MAF: variants seen among roughly 807,000 people sequenced by gnomAD.
The protein encoded by MAF is MAF bZIP transcription factor.
In MAF, 10 loss-of-function variants were observed where a neutral mutation model predicts 22.0. The observed-to-expected ratio is 0.45, with a 90% confidence interval of 0.28 to 0.77. The LOEUF (loss-of-function observed/expected upper bound fraction) is 0.77. MAF is among the 30% of genes least tolerant of loss of function. The pLI is 0.12. For synonymous variants in MAF, 337 were observed against 255.8 expected (o/e 1.32, Z -3.03); for missense variants, 544 against 548.4 (o/e 0.99, Z 0.08).
chr16:79,501,306 C>G, the MAF span, among the ~76,000 whole-genome samples: 1 of 152,130 alleles, frequency 6.6e-6, no homozygotes, highest in Non-Finnish European at 1.5e-5. Flanking sequence ...TATAAGGGCA[C>G]CAGTCATTGG....
the MAF span, among the ~76,000 whole-genome samples, chr16:79,352,551 C>T: frequency 6.6e-6 from 1 of 152,332 alleles, no homozygotes; most frequent in Non-Finnish European, 1.5e-5. Flanking sequence ...AATTGGGCTA[C>T]ATATCACCCC....
the MAF span, among the ~76,000 whole-genome samples, chr16:79,460,135 T>A: frequency 6.6e-6 from 1 of 151,916 alleles, no homozygotes; most frequent in East Asian, 1.9e-4. Context: ...TTCGAAAGTG[T>A]TGCAAATATT....
At chr16:79,324,166 C>T in the MAF span, among the ~76,000 whole-genome samples, 4 of 152,212 alleles carry the variant, frequency 2.6e-5, no homozygotes, top group African/African-American at 9.7e-5. Flanking sequence ...ATGTTCCCAT[C>T]TGTAAAATGT....
At chr16:79,588,465 T>G (rs1293833780) in intron 1 of MAF, among the ~76,000 whole-genome samples, 1 of 152,126 alleles carries the variant, frequency 6.6e-6, no homozygotes, top group African/African-American at 2.4e-5. Context: ...GATACAGTCT[T>G]GCTGTTTTGC....
the MAF span, among the ~76,000 whole-genome samples, chr16:79,277,035 A>G: frequency 6.6e-6 from 1 of 151,500 alleles, no homozygotes; most frequent in Admixed American, 6.6e-5. Context: ...CTCTTTTTTA[A>G]TTTTGATTTT....
At chr16:79,365,501 A>C in the MAF span, among the ~76,000 whole-genome samples, 5 of 152,136 alleles carry the variant, frequency 3.3e-5, no homozygotes, top group Admixed American at 3.3e-4. Context: ...TGATTGGTGG[A>C]TGATCTCTTC....
chr16:79,383,178 C>T, the MAF span, among the ~76,000 whole-genome samples: 2 of 151,982 alleles, frequency 1.3e-5, no homozygotes, highest in African/African-American at 2.4e-5. Context: ...AAGAAATGCT[C>T]AGACTGGAAG....
At chr16:79,422,093 T>C in the MAF span, among the ~76,000 whole-genome samples, 1 of 152,210 alleles carries the variant, frequency 6.6e-6, no homozygotes, top group Admixed American at 6.5e-5. Context: ...TAGTGAATTC[T>C]TAATGAGAGC....
the MAF span, among the ~76,000 whole-genome samples, chr16:79,538,254 C>T: frequency 2.0e-5 from 3 of 152,060 alleles, no homozygotes; most frequent in Non-Finnish European, 4.4e-5. Flanking sequence ...AGCCCTGAAA[C>T]GTTTCTGTGT....
the MAF span, among the ~76,000 whole-genome samples, chr16:79,519,837 GA>G: frequency 1.3e-5 from 2 of 152,204 alleles, no homozygotes; most frequent in Non-Finnish European, 2.9e-5. Context: ...ACCATGTGGG[GA>G]AAAAAGGTAG....
At chr16:79,332,591 G>A in the MAF span, among the ~76,000 whole-genome samples, 5 of 152,146 alleles carry the variant, frequency 3.3e-5, no homozygotes, top group South Asian at 2.1e-4. Flanking sequence ...GAGCCACCAC[G>A]CCTGACTCAC....
the MAF span, among the ~76,000 whole-genome samples, chr16:79,390,619 C>A: frequency 1.3e-5 from 2 of 152,098 alleles, no homozygotes; most frequent in African/African-American, 4.8e-5. Flanking sequence ...TGCATTCAGC[C>A]CCAGAGTGTG....
At chr16:79,400,155 G>A in the MAF span, among the ~76,000 whole-genome samples, 20 of 152,284 alleles carry the variant, frequency 1.3e-4, 1 homozygote, top group Middle Eastern at 3.4e-3. Context: ...CAGCAATGTG[G>A]TTAAACATCC....
At chr16:79,273,202 C>A in the MAF span, among the ~76,000 whole-genome samples, 1 of 152,126 alleles carries the variant, frequency 6.6e-6, no homozygotes, top group Non-Finnish European at 1.5e-5. Context: ...CCCTAGGGAA[C>A]CTCCTCTGGC....
chr16:79,581,448 C>A (rs1026185135), downstream of MAF, among the ~76,000 whole-genome samples: 2 of 152,148 alleles, frequency 1.3e-5, no homozygotes, highest in African/African-American at 4.8e-5. Context: ...TAATTACAAA[C>A]CCCAACTCAA....
At chr16:79,364,574 G>A in the MAF span, among the ~76,000 whole-genome samples, 3 of 152,216 alleles carry the variant, frequency 2.0e-5, no homozygotes, top group African/African-American at 7.2e-5. Flanking sequence ...CATGGTCCCT[G>A]ACAGAGCACA....
chr16:79,581,072 C>G (rs73587050), downstream of MAF, among the ~76,000 whole-genome samples: 1,236 of 152,240 alleles, frequency 8.1e-3, 16 homozygotes, highest in African/African-American at 0.028. Context: ...CACACGCCTT[C>G]TAAAATGCAG....
At chr16:79,385,467 A>G in the MAF span, among the ~76,000 whole-genome samples, 1 of 152,346 alleles carries the variant, frequency 6.6e-6, no homozygotes, top group African/African-American at 2.4e-5. Flanking sequence ...AAAAATGAGG[A>G]AAGGGTTGAA....
the MAF span, among the ~76,000 whole-genome samples, chr16:79,240,487 G>GAAAAAAA: frequency 1.6e-3 from 95 of 60,694 alleles, 4 homozygotes; most frequent in African/African-American, 2.9e-3. Flanking sequence ...AGCATCTCTG[G>GAAAAAAA]AAAAAAAAAA....
Sources: allele counts gnomAD v4.1 joint callset (sites outside exome capture counted in the v4.1 genomes callset), GRCh38; gene constraint gnomAD v4.1.1; transcripts MANE v1.5; gene names NCBI Gene and HGNC (gene_info 2026-07-23, HGNC 2026-07-21).